Variants in PARD6G observed in about 807,000 individuals in gnomAD.
The protein encoded by PARD6G is partitioning defective 6 homolog gamma.
A neutral mutation model predicts 10.7 loss-of-function variants in PARD6G; 7 were observed. The ratio of observed to expected loss-of-function variants is 0.66; its 90% CI spans 0.37 to 1.23. The LOEUF (loss-of-function observed/expected upper bound fraction) is 1.23. Among genes scored for constraint, PARD6G ranks in the 50% most tolerant of loss-of-function variants. PARD6G has a pLI of 0.02. For synonymous variants in PARD6G, 287 were observed against 269.4 expected (o/e 1.07, Z -0.64); for missense variants, 548 against 571.8 (o/e 0.96, Z 0.42).
intron 1 of PARD6G, among the ~76,000 whole-genome samples, chr18:80,219,420 G>C (rs1286691040): frequency 6.6e-6 from 1 of 152,146 alleles, no homozygotes; most frequent in Non-Finnish European, 1.5e-5. Flanking sequence ...ATGTTGGCTA[G>C]GCTGGTCTCG....
intron 1 of PARD6G, among the ~76,000 whole-genome samples, chr18:80,225,331 G>C (rs774333554): frequency 2.6e-5 from 4 of 152,232 alleles, no homozygotes; most frequent in African/African-American, 4.8e-5. Flanking sequence ...AAACCAAAGG[G>C]AGGGAAGCTC....
intron 2 of PARD6G, among the ~76,000 whole-genome samples, chr18:80,186,755 C>T (rs775279951): frequency 1.3e-5 from 2 of 152,170 alleles, no homozygotes; most frequent in Non-Finnish European, 2.9e-5. Flanking sequence ...ATTTTACCCT[C>T]GGCCCCCAAA....
At position 80,192,821 on chromosome 18, in the gene PARD6G, C is replaced by T. The variant is rs1352773011; in HGVS notation, c.295+9889G>A. ...GTGGGCAGGGACCCTCCTGGCTCGCCGGCCGTGGGAGCTGGGCTGTCAGTC... is the reference window on the plus strand; with the variant it reads ...GTGGGCAGGGACCCTCCTGGCTCGCTGGCCGTGGGAGCTGGGCTGTCAGTC... On this transcript the variant is annotated intron_variant, in intron 2 of 2. Transcript: ENST00000353265. The surrounding 1 kb of genome is among the most constrained non-coding windows in gnomAD (Gnocchi z 4.9). Among the ~76,000 whole-genome samples, 3 of 152,090 alleles carry T rather than the reference C, an allele frequency of 2.0e-5. No individual in the cohort carries two copies. The highest frequency in any genetic ancestry group is 1.9e-4 in the East Asian group (1 of 5,170).
At chr18:80,217,587 C>T (rs1196500390) in intron 1 of PARD6G, among the ~76,000 whole-genome samples, 1 of 152,098 alleles carries the variant, frequency 6.6e-6, no homozygotes, top group South Asian at 2.1e-4. Flanking sequence ...TCCCCCAAAC[C>T]CATAATCCCA....
chr18:80,224,135 T>C (rs2145296282), intron 1 of PARD6G, among the ~76,000 whole-genome samples: 1 of 152,350 alleles, frequency 6.6e-6, no homozygotes. Flanking sequence ...ATGAATGATA[T>C]TTCTGGAGTC....
intron 1 of PARD6G, among the ~76,000 whole-genome samples, chr18:80,214,074 G>C (rs978778101): frequency 2.6e-5 from 4 of 152,078 alleles, no homozygotes; most frequent in Admixed American, 2.0e-4. Flanking sequence ...CCCAGATGTT[G>C]TACTTCCTAG....
intron 1 of PARD6G, among the ~76,000 whole-genome samples, chr18:80,224,306 G>A (rs772220179): frequency 1.3e-5 from 2 of 152,088 alleles, no homozygotes; most frequent in African/African-American, 2.4e-5. Context: ...TTTACCATAC[G>A]TTTAAACAAA....
chr18:80,215,518 C>T (rs75950419), intron 1 of PARD6G, among the ~76,000 whole-genome samples: 101 of 152,040 alleles, frequency 6.6e-4, no homozygotes, highest in African/African-American at 2.3e-3. Context: ...AGAGTTATAT[C>T]GGAGCAAAAT....
rs892026268 is a variant in PARD6G at position 80,182,311 on chromosome 18, G to A, written c.295+20399C>T. Among the ~76,000 whole-genome samples, 1 of 152,224 alleles carries A rather than the reference G, an allele frequency of 6.6e-6. No individual in the cohort carries two copies. Among genetic ancestry groups the A allele is most frequent in the African/African-American group, 2.4e-5 (1 of 41,464 alleles). ...GGCAGCTGATGCCTGTGTGCCTGAA[G>A]GCAGCTCCTGCCCCCAGTATCCACA... On this transcript the variant is annotated intron_variant, in intron 2 of 2. Transcript: ENST00000353265. The surrounding 1 kb of genome is among the most constrained non-coding windows in gnomAD (Gnocchi z 4.5).
chr18:80,201,750 T>A lies in PARD6G; in HGVS notation c.295+960A>T, dbSNP rs1336528525. ...ACCCTCACAGAAACTGGATGGGGGT[T>A]ACTATGAGGACCCTCGTTTTGCAAA... On this transcript the variant is annotated intron_variant, in intron 2 of 2. Coordinates refer to ENST00000353265, the MANE Select transcript of PARD6G (RefSeq NM_032510.4). The surrounding 1 kb of genome is among the most constrained non-coding windows in gnomAD (Gnocchi z 5.9). Among the ~76,000 whole-genome samples, 2 of 152,250 alleles carry A rather than the reference T, an allele frequency of 1.3e-5. No individual in the cohort carries two copies. The highest frequency in any genetic ancestry group is 2.9e-5 in the Non-Finnish European group (2 of 68,040).
chr18:80,173,552 G>A (rs1275480153), intron 2 of PARD6G, among the ~76,000 whole-genome samples: 3 of 152,090 alleles, frequency 2.0e-5, no homozygotes, highest in African/African-American at 4.8e-5. Context: ...TTGAACCCAG[G>A]AGGCGGAGGT....
chr18:80,241,959 C>A (rs1301175630), intron 1 of PARD6G, among the ~76,000 whole-genome samples: 1 of 152,216 alleles, frequency 6.6e-6, no homozygotes, highest in Non-Finnish European at 1.5e-5. Context: ...CCTTGAATGG[C>A]TGCATCTCCC....
At chr18:80,237,737 C>A (rs1967440819) in intron 1 of PARD6G, among the ~76,000 whole-genome samples, 1 of 152,152 alleles carries the variant, frequency 6.6e-6, no homozygotes, top group Non-Finnish European at 1.5e-5. Flanking sequence ...CCAAAAGACA[C>A]ATGAAAAAAT....
At chr18:80,240,728 A>G (rs1967480425) in intron 1 of PARD6G, among the ~76,000 whole-genome samples, 1 of 152,160 alleles carries the variant, frequency 6.6e-6, no homozygotes, top group Non-Finnish European at 1.5e-5. Context: ...GACTCAGCAC[A>G]TTGACTGGTC....
Position 80,242,359 on chromosome 18 carries a change from A to G in PARD6G, c.72+4918T>C, listed in dbSNP as rs781475667. On this transcript the variant is annotated intron_variant, in intron 1 of 2. Transcript: ENST00000353265. ...ACAGGAGGCAAGTGTCAGCCACCCA[A>G]TGGGGAGGCCTGGCCTCAGCTCCAT... 4.6e-5 allele frequency among the ~76,000 whole-genome samples: 7 copies of G among 152,202 alleles called. No homozygotes were observed. The South Asian group carries it at 6.2e-4, about 14-fold the overall frequency.
intron 2 of PARD6G, among the ~76,000 whole-genome samples, chr18:80,177,490 A>G (rs114106421): frequency 1.4e-3 from 209 of 147,526 alleles, no homozygotes; most frequent in African/African-American, 5.1e-3. Flanking sequence ...CAGGGGATAA[A>G]TAATCCAAAT....
At position 80,161,134 on chromosome 18, in the gene PARD6G, CTCAG is replaced by C. The variant is rs1366120284; in HGVS notation, c.296-532_296-529del. Among the ~76,000 whole-genome samples the C allele has an allele frequency of 1.3e-5, 2 of 152,206 alleles. No individual in the cohort carries two copies. The highest frequency in any genetic ancestry group is 4.8e-5 in the African/African-American group (2 of 41,458). ...GCATTCAAGGCCCCTGAATGTGTCACTCAGTCGGGCGTGTGAGCATTTCCCTGCG... is the reference window on the plus strand; with the variant it reads ...GCATTCAAGGCCCCTGAATGTGTCACTCGGGCGTGTGAGCATTTCCCTGCG... On this transcript the variant is annotated intron_variant, in intron 2 of 2. Transcript: ENST00000353265. The surrounding 1 kb of genome is among the most constrained non-coding windows in gnomAD (Gnocchi z 4.6).
intron 1 of PARD6G, among the ~76,000 whole-genome samples, chr18:80,241,664 G>A (rs1267569065): frequency 1.3e-5 from 2 of 152,170 alleles, no homozygotes; most frequent in East Asian, 1.9e-4. Context: ...GGGCAGGGCC[G>A]CAGGGTGTGT....
At chr18:80,172,610 C>T (rs2052784680) in intron 2 of PARD6G, among the ~76,000 whole-genome samples, 1 of 152,182 alleles carries the variant, frequency 6.6e-6, no homozygotes, top group Non-Finnish European at 1.5e-5. Flanking sequence ...GTCTTGAACT[C>T]CTGACCTCAA....
Sources: gnomAD v4.1 joint callset for allele counts (sites outside exome capture counted in the v4.1 genomes callset) on GRCh38, gnomAD v4.1.1 for gene constraint, Gnocchi (gnomAD v3.1) non-coding constraint, MANE v1.5 for transcripts, NCBI Gene and HGNC (gene_info 2026-07-23, HGNC 2026-07-21) for gene names.